Variants in TNNT2 observed in about 807,000 individuals in gnomAD.
TNNT2 encodes the protein troponin T, cardiac muscle.
TNNT2 carries 34 observed loss-of-function variants against 62.4 expected under a neutral mutation model. The observed-to-expected ratio is 0.54, with a 90% confidence interval of 0.41 to 0.72. The LOEUF (loss-of-function observed/expected upper bound fraction) is 0.72. Ranked by LOEUF, TNNT2 falls within the 30% of genes least tolerant of loss-of-function variation. The probability of loss-of-function intolerance (pLI) is 0.00; values close to 1 mark genes in which losing one functional copy is unlikely to be tolerated. For missense variants in TNNT2, 275 were observed against 381.9 expected, an observed-to-expected ratio of 0.72 and a Z score of 2.33; for synonymous variants, 123 against 127.2, an observed-to-expected ratio of 0.97 and a Z score of 0.22.
At position 201,363,376 on chromosome 1, in the gene TNNT2, TCTC is replaced by T. The variant is rs397516470; in HGVS notation, c.517_519del (p.Glu173del). ...GCCTCATCCTCAGCCTTCCTCCTGTTCTCCTCCTCCTCTCGTCGAGCCCTCTCT... is the reference window on the plus strand; with the variant it reads ...GCCTCATCCTCAGCCTTCCTCCTGTTCTCCTCCTCTCGTCGAGCCCTCTCT... On this transcript the variant is annotated inframe_deletion, in exon 12 of 17. Transcript: ENST00000656932. The T allele has an allele frequency of 1.2e-6, 2 of 1,614,066 alleles. No individual in the cohort carries two copies. The highest frequency in any genetic ancestry group is 1.7e-6 in the Non-Finnish European group (2 of 1,180,000).
rs2102340841 is a variant in TNNT2, at chr1:201,377,563, C to T, written c.-15+60G>A. On this transcript the variant is annotated intron_variant, in intron 1 of 16. Coordinates refer to ENST00000656932, the MANE Select transcript of TNNT2 (RefSeq NM_001276345.2). ...GGTAAATATGCCAGGGCCCAAGACC[C>T]TCACATCTCCCCGTCCATTCTCTGC... 2 of 456,314 alleles carry T rather than the reference C, an allele frequency of 4.4e-6. 1 individual carries two copies. The highest frequency in any genetic ancestry group is 3.1e-5 in the South Asian group (2 of 64,572). The allele number at this position is 456,314 out of a possible 1,614,324, so 28.3% of individuals were successfully genotyped here.
chr1:201,372,110 CTT>C, intron 3 of TNNT2, 33 bp downstream of exon 3: 1 of 1,614,156 alleles, frequency 6.2e-7, no homozygotes, highest in Non-Finnish European at 8.5e-7. Context: ...ACCAGGCTGT[CTT>C]TGATCCAAAT....
chr1:201,364,594 G>C (rs980709533), intron 10 of TNNT2, among the ~76,000 whole-genome samples: 9 of 152,306 alleles, frequency 5.9e-5, no homozygotes, highest in Admixed American at 5.2e-4. Context: ...CATTCCTCAT[G>C]GTGAGACTGC....
chr1:201,368,518 C>T lies in TNNT2; in HGVS notation c.98-291G>A, dbSNP rs76929290. 1.8e-4 allele frequency: 97 copies of T among 528,418 alleles called. No homozygotes were observed. In the East Asian group the frequency reaches 4.8e-3, roughly 26 times the overall value. The allele number at this position is 528,418 out of a possible 1,614,324, so 32.7% of individuals were successfully genotyped here. ...AAGTTCCACCCCGTGTCTGGCACCA[C>T]AGAACATGCTCTGCTTAAGCCGAGG... On this transcript the variant is annotated intron_variant, in intron 5 of 16. Transcript: ENST00000656932.
chr1:201,369,517 T>A (rs917271481), intron 5 of TNNT2, among the ~76,000 whole-genome samples: 1 of 152,076 alleles, frequency 6.6e-6, no homozygotes, highest in Non-Finnish European at 1.5e-5. Context: ...CCAGGTCCCC[T>A]CTATGGCCAC....
chr1:201,359,150 G>T lies in TNNT2; in HGVS notation c.*60C>A, dbSNP rs928086980. On this transcript the variant is annotated 3_prime_UTR_variant, in exon 17 of 17. Transcript: ENST00000656932. ...GCCCAGGAGGGCCCGGGAACTGGGGGAGTGCAGGCCGGAGGCAGGTGCGAG... is the reference window on the plus strand; with the variant it reads ...GCCCAGGAGGGCCCGGGAACTGGGGTAGTGCAGGCCGGAGGCAGGTGCGAG... 2 of 1,579,668 alleles carry T rather than the reference G, an allele frequency of 1.3e-6. No individual in the cohort carries two copies. The highest frequency in any genetic ancestry group is 1.9e-5 in the Admixed American group (1 of 53,642).
intron 1 of TNNT2, among the ~76,000 whole-genome samples, chr1:201,376,891 C>A (rs533583512): frequency 6.6e-6 from 1 of 152,332 alleles, no homozygotes; most frequent in South Asian, 2.1e-4. Context: ...TGGGCTCACA[C>A]CCAAGGACAG....
chr1:201,366,430 C>G, intron 8 of TNNT2: 1 of 1,117,208 alleles, frequency 9.0e-7, no homozygotes, highest in Non-Finnish European at 1.1e-6. Context: ...CCTGCCCTCT[C>G]TCAGCTCTCT....
chr1:201,367,983 A>T (rs946460974), intron 6 of TNNT2, among the ~76,000 whole-genome samples, 177 bp from the exon 7 acceptor site: 1 of 152,162 alleles, frequency 6.6e-6, no homozygotes, highest in Non-Finnish European at 1.5e-5. Flanking sequence ...ACTGCCTGAC[A>T]CAAGAGAAGC....
intron 8 of TNNT2, chr1:201,366,439 C>A: frequency 8.9e-7 from 1 of 1,122,404 alleles, no homozygotes; most frequent in Non-Finnish European, 1.1e-6. Flanking sequence ...TCTCAGCTCT[C>A]TGAAGCCGCC....
chr1:201,373,487 G>A (rs1012157897), intron 1 of TNNT2: 6 of 600,320 alleles, frequency 1.0e-5, no homozygotes, highest in Admixed American at 5.2e-5. Flanking sequence ...TGTCCACTTC[G>A]TTCCTTGCCC....
intron 8 of TNNT2, chr1:201,366,604 C>T: frequency 7.0e-7 from 1 of 1,424,894 alleles, no homozygotes; most frequent in Non-Finnish European, 9.2e-7. Context: ...AACATAGCCC[C>T]ATCCCTGCTA....
intron 10 of TNNT2, among the ~76,000 whole-genome samples, chr1:201,364,648 G>T (rs1176913403): frequency 6.6e-6 from 1 of 152,212 alleles, no homozygotes; most frequent in Non-Finnish European, 1.5e-5. Flanking sequence ...TCTGGGCTCT[G>T]CCCCCACCTC....
chr1:201,373,456 G>A (rs1437315764), intron 1 of TNNT2, 188 bp from the exon 2 acceptor site: 4 of 636,784 alleles, frequency 6.3e-6, no homozygotes, highest in Admixed American at 2.3e-5. Flanking sequence ...ACACCCACAT[G>A]GCAGCAAGGC....
At chr1:201,371,217 G>C (rs1173197407) in intron 4 of TNNT2, among the ~76,000 whole-genome samples, 1 of 152,222 alleles carries the variant, frequency 6.6e-6, no homozygotes, top group South Asian at 2.1e-4. Flanking sequence ...ACCTGCCTGG[G>C]GTGCAGGGGG....
At chr1:201,375,605 T>C (rs1041540398) in intron 1 of TNNT2, among the ~76,000 whole-genome samples, 1 of 152,116 alleles carries the variant, frequency 6.6e-6, no homozygotes, top group East Asian at 1.9e-4. Context: ...CCAAAGAGAA[T>C]AGCCTTCCTA....
chr1:201,375,654 C>T (rs894590469), intron 1 of TNNT2, among the ~76,000 whole-genome samples: 1 of 152,170 alleles, frequency 6.6e-6, no homozygotes, highest in Non-Finnish European at 1.5e-5. Flanking sequence ...TTACCCAAAG[C>T]CCCAGGGGAG....
chr1:201,359,827 C>T (rs975770298), intron 15 of TNNT2, among the ~76,000 whole-genome samples, 164 bp from the exon 16 acceptor site: 8 of 152,070 alleles, frequency 5.3e-5, no homozygotes, highest in African/African-American at 1.7e-4. Context: ...TCAGGAGGGG[C>T]CCGTGTACCA....
chr1:201,364,279 TG>T lies in TNNT2; in HGVS notation c.489+18del. ...GGAGCATGGGGGGCCTCCATGGGCC[TG>T]GGCTAGGGGTCACTCACAGCCAGGC... is the stretch of plus-strand genomic sequence containing the variant. On this transcript the variant is annotated intron_variant, in intron 11 of 16. Coordinates refer to ENST00000656932, the MANE Select transcript of TNNT2 (RefSeq NM_001276345.2). 6.2e-7 allele frequency: 1 copy of T among 1,609,750 alleles called. No homozygotes were observed. Among genetic ancestry groups the T allele is most frequent in the Non-Finnish European group, 8.5e-7 (1 of 1,179,140 alleles).
Sources: gnomAD v4.1 joint callset for allele counts (sites outside exome capture counted in the v4.1 genomes callset) on GRCh38, gnomAD v4.1.1 for gene constraint, MANE v1.5 for transcripts, NCBI Gene and HGNC (gene_info 2026-07-23, HGNC 2026-07-21) for gene names.